The following AS3MT variants were observed in gnomAD, a reference collection of about 807,000 sequenced individuals.
The protein encoded by AS3MT is arsenite methyltransferase, also known as S-adenosyl-L-methionine:arsenic(III) methyltransferase.
A neutral mutation model predicts 45.3 loss-of-function variants in AS3MT; 47 were observed. The observed-to-expected ratio is 1.04, with a 90% CI of 0.82 to 1.32. AS3MT has a LOEUF of 1.32. AS3MT is among the 40% of genes most tolerant of loss of function. The probability of loss-of-function intolerance (pLI) is 0.00; values close to 1 mark genes in which losing one functional copy is unlikely to be tolerated. For synonymous variants in AS3MT, 141 were observed against 152.8 expected, an observed-to-expected ratio of 0.92 and a Z score of 0.57; for missense variants, 396 against 451.1, an observed-to-expected ratio of 0.88 and a Z score of 1.11.
At chr10:102,897,816 A>G (rs1470056784) in intron 10 of AS3MT, among the ~76,000 whole-genome samples, 1 of 152,204 alleles carries the variant, frequency 6.6e-6, no homozygotes, top group Non-Finnish European at 1.5e-5. Context: ...GCTTCTGCAG[A>G]TGACCATTTT....
chr10:102,895,040 C>T lies in AS3MT; in HGVS notation c.1020+4362C>T, dbSNP rs113147550. Among the ~76,000 whole-genome samples the T allele has an allele frequency of 1.7e-3, 259 of 152,298 alleles. 1 individual carries two copies. The highest frequency in any genetic ancestry group is 3.3e-3 in the Admixed American group (50 of 15,280). Reference sequence around the variant, plus strand: ...CAGGCCATTGGTCACTTATTTGGCTCAGAATAAATCTTTTTAAGTATTTTA... The same window carrying T: ...CAGGCCATTGGTCACTTATTTGGCTTAGAATAAATCTTTTTAAGTATTTTA... On this transcript the variant is annotated intron_variant, in intron 10 of 10. Coordinates refer to ENST00000369880, the MANE Select transcript of AS3MT (RefSeq NM_020682.4).
intron 10 of AS3MT, among the ~76,000 whole-genome samples, chr10:102,892,855 C>T (rs1323671328): frequency 6.6e-6 from 1 of 151,874 alleles, no homozygotes; most frequent in Non-Finnish European, 1.5e-5. Context: ...TGGCGTGCGC[C>T]TGTAGTCCCA....
At chr10:102,871,696 C>T (rs1844690712) in intron 3 of AS3MT, among the ~76,000 whole-genome samples, 1 of 150,978 alleles carries the variant, frequency 6.6e-6, no homozygotes, top group Admixed American at 6.6e-5. Flanking sequence ...CCACTGCACT[C>T]CAGCCTGGGC....
intron 9 of AS3MT, among the ~76,000 whole-genome samples, chr10:102,885,307 C>T (rs946292990): frequency 6.6e-6 from 1 of 151,836 alleles, no homozygotes; most frequent in Non-Finnish European, 1.5e-5. Context: ...CTGCAGGTGA[C>T]AGGATTTCCT....
intron 6 of AS3MT, among the ~76,000 whole-genome samples, chr10:102,876,229 A>G (rs1231212616): frequency 6.6e-6 from 1 of 152,006 alleles, no homozygotes; most frequent in African/African-American, 2.4e-5. Context: ...GTTGTTATAA[A>G]AGTAAATAAC....
At chr10:102,897,224 A>T (rs1015675401) in intron 10 of AS3MT, among the ~76,000 whole-genome samples, 1 of 151,480 alleles carries the variant, frequency 6.6e-6, no homozygotes, top group Admixed American at 6.6e-5. Flanking sequence ...CTCTACTAAA[A>T]ATACAAAAAA....
intron 9 of AS3MT, among the ~76,000 whole-genome samples, chr10:102,887,384 C>G (rs903774363): frequency 2.0e-5 from 3 of 152,138 alleles, no homozygotes; most frequent in African/African-American, 7.2e-5. Context: ...TATTTTCTGT[C>G]TGGATGATCT....
intron 5 of AS3MT, 143 bp from the exon 6 acceptor site, chr10:102,874,449 A>T (rs1844749203): frequency 3.3e-6 from 2 of 608,930 alleles, no homozygotes; most frequent in Admixed American, 2.7e-5. Context: ...AGCTTAGTTG[A>T]AGGCATTAGA....
At chr10:102,899,278 A>C (rs1845233463) in intron 10 of AS3MT, among the ~76,000 whole-genome samples, 1 of 152,154 alleles carries the variant, frequency 6.6e-6, no homozygotes, top group African/African-American at 2.4e-5. Flanking sequence ...CCCAGAGTAC[A>C]TGAGCCACCG....
At chr10:102,873,421 T>G (rs1029688238) in intron 5 of AS3MT, among the ~76,000 whole-genome samples, 188 bp downstream of exon 5, 1 of 152,098 alleles carries the variant, frequency 6.6e-6, no homozygotes, top group South Asian at 2.1e-4. Flanking sequence ...GCTGGGATTA[T>G]AGGCACACGC....
intron 4 of AS3MT, 135 bp from the exon 5 acceptor site, chr10:102,872,962 C>T (rs936793607): frequency 5.3e-5 from 40 of 754,640 alleles, no homozygotes; most frequent in Middle Eastern, 3.5e-4. Context: ...GTATATCCTA[C>T]GTGTCCACAG....
intron 3 of AS3MT, among the ~76,000 whole-genome samples, chr10:102,871,712 A>G (rs908663294): frequency 6.9e-6 from 1 of 145,568 alleles, no homozygotes; most frequent in East Asian, 2.1e-4. Context: ...TGGGCGACAG[A>G]GCGAGACTCC....
chr10:102,887,739 C>T (rs1844981587), intron 9 of AS3MT: 1 of 152,158 alleles, frequency 6.6e-6, no homozygotes, highest in African/African-American at 2.4e-5. Context: ...ATAATTTGGT[C>T]CCATTTTTGT....
At chr10:102,880,814 A>C (rs1340197502) in intron 9 of AS3MT, among the ~76,000 whole-genome samples, 1 of 152,232 alleles carries the variant, frequency 6.6e-6, no homozygotes, top group Non-Finnish European at 1.5e-5. Flanking sequence ...GTTTAGAAAC[A>C]CTAAAAAAAG....
rs529482035 is a variant in AS3MT at position 102,890,292 on chromosome 10, G to A, written c.886-252G>A. ...GCTGGGATTACAGGTGTGAGCCACC[G>A]CGCCTGGCCCATTTTCTTTAGATAT... On this transcript the variant is annotated intron_variant, in intron 9 of 10. Transcript: ENST00000369880. Among the ~76,000 whole-genome samples the A allele has an allele frequency of 3.3e-5, 5 of 152,210 alleles. No individual in the cohort carries two copies. In the South Asian group the frequency reaches 6.2e-4, roughly 19 times the overall value.
chr10:102,892,673 A>AT (rs1321039984), intron 10 of AS3MT, among the ~76,000 whole-genome samples: 1 of 152,038 alleles, frequency 6.6e-6, no homozygotes, highest in Non-Finnish European at 1.5e-5. Context: ...TAACATATAT[A>AT]TTTTTTAAAA....
chr10:102,873,972 C>T (rs1408665306), intron 5 of AS3MT, among the ~76,000 whole-genome samples: 1 of 151,844 alleles, frequency 6.6e-6, no homozygotes, highest in East Asian at 1.9e-4. Context: ...TGCCTTGTGC[C>T]GGCCAGGTGC....
At chr10:102,896,712 G>C (rs1361107288) in intron 10 of AS3MT, among the ~76,000 whole-genome samples, 5 of 151,810 alleles carry the variant, frequency 3.3e-5, no homozygotes, top group African/African-American at 1.2e-4. Context: ...CAGAGGCTGA[G>C]GCAGAGAATT....
chr10:102,896,978 TGAAACTCC>T (rs1845183739), intron 10 of AS3MT, among the ~76,000 whole-genome samples: 1 of 152,226 alleles, frequency 6.6e-6, no homozygotes, highest in Non-Finnish European at 1.5e-5. Context: ...ACTGATATTT[TGAAACTCC>T]TGAGAGTTCA....
Sources: gnomAD v4.1 joint callset for allele counts (sites outside exome capture counted in the v4.1 genomes callset) on GRCh38, gnomAD v4.1.1 for gene constraint, MANE v1.5 for transcripts, NCBI Gene and HGNC (gene_info 2026-07-23, HGNC 2026-07-21) for gene names.